The following MAP2K3 variants were observed in gnomAD, a reference collection of about 807,000 sequenced individuals.
The protein encoded by MAP2K3 is dual specificity mitogen-activated protein kinase kinase 3.
A neutral mutation model predicts 46.4 loss-of-function variants in MAP2K3; 30 were observed. That is an observed-to-expected ratio of 0.65 (90% CI 0.48 to 0.88). MAP2K3 has a LOEUF of 0.88. MAP2K3 is among the 40% of genes least tolerant of loss of function. The probability of loss-of-function intolerance (pLI) is 0.00; values close to 1 mark genes in which losing one functional copy is unlikely to be tolerated. For missense variants in MAP2K3, 380 were observed against 464.5 expected, an observed-to-expected ratio of 0.82 and a Z score of 1.67; for synonymous variants, 189 against 176.3, an observed-to-expected ratio of 1.07 and a Z score of -0.57.
At chr17:21,312,350 C>T (rs760653607) in intron 10 of MAP2K3, 69 bp downstream of exon 10, 1 of 1,462,034 alleles carries the variant, frequency 6.8e-7, no homozygotes, top group Non-Finnish European at 9.0e-7. Flanking sequence ...CCTTCCTGGG[C>T]CCTGTTCCTT....
intron 3 of MAP2K3, among the ~76,000 whole-genome samples, chr17:21,299,649 TCCAG>T (rs1417771494): frequency 2.0e-5 from 3 of 146,398 alleles, no homozygotes; most frequent in Admixed American, 7.0e-5. Context: ...ACCACTGCCC[TCCAG>T]CTTGGGTGAC....
chr17:21,296,068 T>TC (rs749215940), intron 1 of MAP2K3: 916 of 1,287,414 alleles, frequency 7.1e-4, no homozygotes, highest in South Asian at 1.3e-3. Flanking sequence ...AGGGCAGTTT[T>TC]TTTTTTCACC....
At chr17:21,306,648 G>A (rs1976903259) in intron 9 of MAP2K3, among the ~76,000 whole-genome samples, 1 of 152,154 alleles carries the variant, frequency 6.6e-6, no homozygotes, top group African/African-American at 2.4e-5. Flanking sequence ...ATGCCCAGCT[G>A]ATTTTTGTAT....
At position 21,298,418 on chromosome 17, in the gene MAP2K3, T is replaced by C; in HGVS notation, c.55T>C (p.Ser19Pro). 7 of 1,614,310 alleles carry C rather than the reference T, an allele frequency of 4.3e-6. No homozygotes were observed. Among genetic ancestry groups the C allele is most frequent in the Non-Finnish European group, 5.1e-6 (6 of 1,180,056 alleles). The change falls in exon 2 of 12, where the codon TCC (serine) becomes CCC (proline). Residue 19 changes from serine to proline, a missense_variant. Physicochemically the swap from Ser to Pro is moderately conservative, Grantham distance 74. Coordinates refer to ENST00000342679, the MANE Select transcript of MAP2K3 (RefSeq NM_145109.3). The stretch of plus-strand genomic sequence containing the variant: ...TCACCTTCTCTCCATTCTAGGAAAA[T>C]CCAAGAGGAAGAAGGATCTACGGAT... ...PASMPQSKGK[S>P]KRKKDLRISC...
chr17:21,298,154 G>A (rs551649209), intron 1 of MAP2K3, among the ~76,000 whole-genome samples: 6 of 152,426 alleles, frequency 3.9e-5, no homozygotes, highest in African/African-American at 1.2e-4. Flanking sequence ...CTCAAGATGT[G>A]CCCAGTGGGC....
At chr17:21,291,027 G>A (rs1975892442) in intron 1 of MAP2K3, among the ~76,000 whole-genome samples, 1 of 151,746 alleles carries the variant, frequency 6.6e-6, no homozygotes, top group East Asian at 1.9e-4. Context: ...TGGATCATGA[G>A]GTCAGGAGCT....
At chr17:21,308,234 G>A (rs1296460700) in intron 9 of MAP2K3, among the ~76,000 whole-genome samples, 164 of 151,942 alleles carry the variant, frequency 1.1e-3, no homozygotes, top group Non-Finnish European at 8.1e-4. Flanking sequence ...TGCAACCTCC[G>A]CCTCCCAGGT....
At chr17:21,292,524 TTTTTG>T (rs1298045119) in intron 1 of MAP2K3, among the ~76,000 whole-genome samples, 5 of 152,292 alleles carry the variant, frequency 3.3e-5, no homozygotes, top group East Asian at 1.9e-4. Context: ...GCCCACTACA[TTTTTG>T]TTTTGTTTTA....
At chr17:21,292,197 G>GC (rs1247535049) in intron 1 of MAP2K3, among the ~76,000 whole-genome samples, 2 of 152,416 alleles carry the variant, frequency 1.3e-5, no homozygotes, top group East Asian at 3.8e-4. Context: ...GAGCCTGGCT[G>GC]CCCCTTCAGA....
intron 9 of MAP2K3, among the ~76,000 whole-genome samples, chr17:21,311,090 G>A (rs1037571586): frequency 4.6e-5 from 7 of 152,136 alleles, no homozygotes; most frequent in African/African-American, 1.7e-4. Flanking sequence ...TGCCTGTGTG[G>A]GTGTGTTTGT....
chr17:21,298,874 A>G lies in MAP2K3; in HGVS notation c.117-4A>G, dbSNP rs1333527442. On this transcript the variant is annotated splice_region_variant and splice_polypyrimidine_tract_variant and intron_variant, in intron 2 of 11. Coordinates refer to ENST00000342679, the MANE Select transcript of MAP2K3 (RefSeq NM_145109.3). ...GAAGCTCACGGAGTCTTCTTTCTCC[A>G]CAGACCCCCCCGGAACCTGGACTCC... The G allele has an allele frequency of 2.5e-6, 4 of 1,614,302 alleles. No individual in the cohort carries two copies. Among genetic ancestry groups the G allele is most frequent in the Non-Finnish European group, 3.4e-6 (4 of 1,180,044 alleles).
intron 5 of MAP2K3, among the ~76,000 whole-genome samples, 156 bp from the exon 6 acceptor site, chr17:21,301,987 G>T (rs1037521556): frequency 5.9e-5 from 9 of 152,302 alleles, no homozygotes; most frequent in Non-Finnish European, 1.0e-4. Flanking sequence ...AAGCGGGCAA[G>T]TGGGTGGTGG....
At chr17:21,302,359 C>A in intron 6 of MAP2K3, 100 bp downstream of exon 6, 2 of 1,343,906 alleles carry the variant, frequency 1.5e-6, no homozygotes, top group Admixed American at 1.7e-5. Flanking sequence ...GTGTCTTGGG[C>A]AGAGCTGGGC....
chr17:21,302,078 G>C, intron 5 of MAP2K3, 65 bp from the exon 6 acceptor site: 1 of 1,496,946 alleles, frequency 6.7e-7, no homozygotes, highest in African/African-American at 1.4e-5. Context: ...GCTGGGGCAG[G>C]CAGTGCAGGT....
Position 21,314,871 on chromosome 17 carries a change from A to G in MAP2K3, c.*641A>G, listed in dbSNP as rs1977333345. On this transcript the variant is annotated 3_prime_UTR_variant, in exon 12 of 12. Coordinates refer to ENST00000342679, the MANE Select transcript of MAP2K3 (RefSeq NM_145109.3). ...TCATTCACCTTTCGTGTTTTTTTTAATTTATCCTCTGTTGATTTTTTCTTT... is the reference window on the plus strand; with the variant it reads ...TCATTCACCTTTCGTGTTTTTTTTAGTTTATCCTCTGTTGATTTTTTCTTT... 1 of 152,894 alleles carries G rather than the reference A, an allele frequency of 6.5e-6. No homozygotes were observed. Among genetic ancestry groups the G allele is most frequent in the Non-Finnish European group, 1.5e-5 (1 of 68,282 alleles). The allele number at this position is 152,894 out of a possible 1,614,324, so 9.5% of individuals were successfully genotyped here. A position where few individuals can be genotyped will look rare whatever the true frequency, so the allele number is the denominator to read the frequency against.
chr17:21,293,358 C>G (rs1466507283), intron 1 of MAP2K3, among the ~76,000 whole-genome samples: 1 of 152,310 alleles, frequency 6.6e-6, no homozygotes, highest in Non-Finnish European at 1.5e-5. Flanking sequence ...CCCTTCCCTA[C>G]GTCCTTCCCT....
intron 1 of MAP2K3, among the ~76,000 whole-genome samples, chr17:21,294,775 A>G (rs1297878284): frequency 6.6e-6 from 1 of 152,310 alleles, no homozygotes; most frequent in African/African-American, 2.4e-5. Flanking sequence ...TCCACGCGCC[A>G]GGCACTGCTA....
At chr17:21,295,723 G>C (rs1350320249) in intron 1 of MAP2K3, 1 of 1,289,570 alleles carries the variant, frequency 7.8e-7, no homozygotes, top group Non-Finnish European at 1.0e-6. Context: ...CCTGCGAGGA[G>C]CGTGGTCCCC....
chr17:21,294,214 T>TACCA (rs1351047084), intron 1 of MAP2K3, among the ~76,000 whole-genome samples: 2 of 152,306 alleles, frequency 1.3e-5, no homozygotes, highest in African/African-American at 4.8e-5. Flanking sequence ...CGCCTCTTGC[T>TACCA]GCTCACATCT....
Sources: allele counts gnomAD v4.1 joint callset (sites outside exome capture counted in the v4.1 genomes callset), GRCh38; gene constraint gnomAD v4.1.1; transcripts MANE v1.5; gene names NCBI Gene and HGNC (gene_info 2026-07-23, HGNC 2026-07-21).